The following ROR1 variants were observed in gnomAD, a reference collection of about 807,000 sequenced individuals.
ROR1 encodes inactive tyrosine-protein kinase transmembrane receptor ROR1.
In ROR1, 19 loss-of-function variants were observed where a neutral mutation model predicts 78.8. The ratio of observed to expected loss-of-function variants is 0.24; its 90% CI spans 0.17 to 0.35. The LOEUF (loss-of-function observed/expected upper bound fraction) is 0.35. ROR1 is among the 10% of genes least tolerant of loss of function. The pLI, the probability that ROR1 is intolerant of heterozygous loss-of-function variation, is 1.00. For synonymous variants in ROR1, 386 were observed against 433.6 expected (o/e 0.89, Z 1.36); for missense variants, 917 against 1,177.8 (o/e 0.78, Z 3.24).
chr1:63,885,690 C>T (rs1379206326), intron 1 of ROR1, among the ~76,000 whole-genome samples: 2 of 152,152 alleles, frequency 1.3e-5, no homozygotes, highest in African/African-American at 2.4e-5. Flanking sequence ...TTATTTGCTT[C>T]CTGAAAGCAT....
intron 2 of ROR1, among the ~76,000 whole-genome samples, chr1:64,013,559 C>T (rs1646494347): frequency 6.6e-6 from 1 of 152,156 alleles, no homozygotes; most frequent in Non-Finnish European, 1.5e-5. Context: ...TTTACTTAAG[C>T]ACACCTTGAA....
intron 1 of ROR1, among the ~76,000 whole-genome samples, chr1:63,916,205 A>T (rs1008344851): frequency 6.6e-6 from 1 of 152,210 alleles, no homozygotes; most frequent in African/African-American, 2.4e-5. Context: ...TCCTCTTCGC[A>T]TGAACAATAA....
chr1:64,143,177 A>G (rs1649377402), intron 7 of ROR1: 1 of 989,666 alleles, frequency 1.0e-6, no homozygotes, highest in Middle Eastern at 5.2e-4. Flanking sequence ...AGAAAATGGA[A>G]TTCCTGAGTC....
chr1:63,794,813 G>T (rs1013381256), intron 1 of ROR1, among the ~76,000 whole-genome samples: 1 of 152,238 alleles, frequency 6.6e-6, no homozygotes, highest in Non-Finnish European at 1.5e-5. Flanking sequence ...AGTCCTGACT[G>T]TATGCCCGGG....
chr1:63,867,208 T>C (rs1274596556), intron 1 of ROR1, among the ~76,000 whole-genome samples: 1 of 152,226 alleles, frequency 6.6e-6, no homozygotes, highest in Non-Finnish European at 1.5e-5. Context: ...TCCACTATAA[T>C]AGACACATAA....
chr1:63,893,922 G>A (rs1365992824), intron 1 of ROR1, among the ~76,000 whole-genome samples: 2 of 152,010 alleles, frequency 1.3e-5, no homozygotes, highest in African/African-American at 4.8e-5. Context: ...AGATCTTAGT[G>A]ACCTCAGCAT....
At chr1:63,899,318 C>G (rs886138895) in intron 1 of ROR1, among the ~76,000 whole-genome samples, 12 of 152,166 alleles carry the variant, frequency 7.9e-5, no homozygotes, top group Admixed American at 7.9e-4. Flanking sequence ...GCCAGAGTCT[C>G]CCGACCACAA....
At chr1:63,828,020 G>T (rs1644965914) in intron 1 of ROR1, among the ~76,000 whole-genome samples, 1 of 152,144 alleles carries the variant, frequency 6.6e-6, no homozygotes. Flanking sequence ...ATATGTTCAG[G>T]ATTTTCTTAA....
intron 1 of ROR1, among the ~76,000 whole-genome samples, chr1:63,876,326 C>T (rs1029170285): frequency 1.3e-5 from 2 of 152,100 alleles, no homozygotes; most frequent in Non-Finnish European, 2.9e-5. Flanking sequence ...GGGACATGTG[C>T]ATTATTTTCA....
chr1:64,027,526 T>A (rs1051513927), intron 2 of ROR1, among the ~76,000 whole-genome samples: 3 of 152,170 alleles, frequency 2.0e-5, no homozygotes, highest in African/African-American at 4.8e-5. Context: ...TCATACTCAT[T>A]GTTTAATTCT....
At chr1:63,977,788 A>G (rs186545250) in intron 1 of ROR1, among the ~76,000 whole-genome samples, 1 of 152,342 alleles carries the variant, frequency 6.6e-6, no homozygotes, top group Non-Finnish European at 1.5e-5. Flanking sequence ...GAGAGACACA[A>G]TTTGACTTAG....
intron 1 of ROR1, among the ~76,000 whole-genome samples, chr1:63,990,098 C>G (rs1385827747): frequency 6.6e-6 from 1 of 152,162 alleles, no homozygotes; most frequent in Non-Finnish European, 1.5e-5. Context: ...CCACTAGCAC[C>G]CAGCAGGCAT....
chr1:64,137,563 G>A, intron 5 of ROR1, 67 bp downstream of exon 5: 1 of 1,496,574 alleles, frequency 6.7e-7, no homozygotes. Context: ...AAGTTTTATT[G>A]AGCTCCTCTC....
chr1:64,120,516 CT>C (rs1195532477), intron 4 of ROR1, among the ~76,000 whole-genome samples: 1 of 146,870 alleles, frequency 6.8e-6, no homozygotes, highest in Non-Finnish European at 1.5e-5. Context: ...TTTTTTTTTT[CT>C]TTGGTACTAA....
At chr1:63,964,183 C>T (rs1305851637) in intron 1 of ROR1, among the ~76,000 whole-genome samples, 1 of 152,072 alleles carries the variant, frequency 6.6e-6, no homozygotes, top group Admixed American at 6.5e-5. Context: ...GGCATATAGC[C>T]ACCTAAGTCT....
intron 6 of ROR1, 106 bp downstream of exon 6, chr1:64,140,532 A>G (rs533305703): frequency 2.9e-6 from 3 of 1,037,332 alleles, no homozygotes; most frequent in Admixed American, 4.8e-5. Context: ...TGTTAATCAA[A>G]TTATTTTCCA....
chr1:63,774,919 G>T lies in ROR1; in HGVS notation c.91+411G>T, dbSNP rs926336611. 6.6e-6 allele frequency among the ~76,000 whole-genome samples: 1 copy of T among 152,134 alleles called. No individual in the cohort carries two copies. Among genetic ancestry groups the T allele is most frequent in the Non-Finnish European group, 1.5e-5 (1 of 68,030 alleles). ...CTGCCCCCAAGTTGCGAGCCGGCCC[G>T]GAAGGCGCGGTCCAGGAGGGAGTTT... On this transcript the variant is annotated intron_variant, in intron 1 of 8. Transcript: ENST00000371079. This position sits in a 1 kb window ranked among gnomAD's most constrained non-coding sequence, Gnocchi z 5.7.
rs1456111684 is a variant in ROR1, at chr1:64,142,517, C to G, written c.1041C>G (p.Phe347Leu). The stretch of plus-strand genomic sequence containing the variant: ...CCCAGTATCCCCACACACACACTTT[C>G]ACCGCCCTTCGTTTCCCAGAGCTGA... The part of the protein sequence containing the change: ...WNSQYPHTHT[F>L]TALRFPELNG... Residue 347 changes from phenylalanine (F) to leucine (L), a missense_variant, in exon 7 of 9, where the codon TTC becomes TTG. Around this residue, in one of 3 missense-constraint regions of ROR1, gnomAD observed 835 missense variants for 1,069.8 expected, o/e 0.78. Transcript: ENST00000371079. The G allele has an allele frequency of 6.2e-7, 1 of 1,614,188 alleles. No homozygotes were observed. The highest frequency in any genetic ancestry group is 1.7e-5 in the Admixed American group (1 of 60,026).
intron 1 of ROR1, among the ~76,000 whole-genome samples, chr1:63,822,685 G>A (rs1046452624): frequency 3.3e-5 from 5 of 152,220 alleles, no homozygotes; most frequent in Admixed American, 6.5e-5. Context: ...AAAATACACT[G>A]TTCTCAAATC....
Sources: gnomAD v4.1 joint callset for allele counts (sites outside exome capture counted in the v4.1 genomes callset) on GRCh38, gnomAD v4.1.1 for gene constraint, gnomAD v4.1.1 regional missense constraint, Gnocchi (gnomAD v3.1) non-coding constraint, MANE v1.5 for transcripts, NCBI Gene and HGNC (gene_info 2026-07-23, HGNC 2026-07-21) for gene names.